RORA: variants seen among roughly 807,000 people sequenced by gnomAD.
The protein encoded by RORA is RAR related orphan receptor A, also known as nuclear receptor ROR-alpha.
A neutral mutation model predicts 69.5 loss-of-function variants in RORA; 7 were observed. The observed-to-expected ratio is 0.10, with a 90% CI of 0.06 to 0.19. The LOEUF (loss-of-function observed/expected upper bound fraction) is 0.19. Among genes scored for constraint, RORA ranks in the 10% least tolerant of loss-of-function variants. The pLI is 1.00. For synonymous variants in RORA, 261 were observed against 240.8 expected, an observed-to-expected ratio of 1.08 and a Z score of -0.78; for missense variants, 457 against 663.0, an observed-to-expected ratio of 0.69 and a Z score of 3.41.
chr15:60,880,633 C>CA (rs566194822), intron 1 of RORA, among the ~76,000 whole-genome samples: 301 of 150,504 alleles, frequency 2.0e-3, no homozygotes, highest in Middle Eastern at 6.8e-3. Flanking sequence ...GAAAGACTGT[C>CA]AAAAAAAAAC....
chr15:61,214,299 T>C (rs1298376028), intron 1 of RORA: 1 of 152,240 alleles, frequency 6.6e-6, no homozygotes, highest in Non-Finnish European at 1.5e-5. Context: ...TTGAGGTTTG[T>C]ATTAAAACTT....
At chr15:60,908,029 C>T (rs569897407) in intron 1 of RORA, among the ~76,000 whole-genome samples, 3 of 152,288 alleles carry the variant, frequency 2.0e-5, no homozygotes, top group African/African-American at 4.8e-5. Context: ...CTCCAATGCT[C>T]GGAACGTCCC....
chr15:60,521,260 T>TTG (rs397967498), intron 3 of RORA, among the ~76,000 whole-genome samples: 3 of 151,624 alleles, frequency 2.0e-5, no homozygotes, highest in Non-Finnish European at 2.9e-5. Flanking sequence ...TTTTTTTTTT[T>TTG]GAGACGGAGT....
intron 1 of RORA, among the ~76,000 whole-genome samples, chr15:60,939,770 A>G (rs1892634517): frequency 6.6e-6 from 1 of 152,164 alleles, no homozygotes; most frequent in Admixed American, 6.5e-5. Flanking sequence ...CTAGCCCTGT[A>G]CCCCTGCAAT....
chr15:61,082,675 T>A (rs1459403158), intron 1 of RORA, among the ~76,000 whole-genome samples: 1 of 152,166 alleles, frequency 6.6e-6, no homozygotes, highest in East Asian at 1.9e-4. Context: ...CAGTTCTTCA[T>A]TGGGACTGAA....
At chr15:60,971,564 C>T (rs904592431) in intron 1 of RORA, among the ~76,000 whole-genome samples, 2 of 152,196 alleles carry the variant, frequency 1.3e-5, no homozygotes, top group African/African-American at 2.4e-5. Flanking sequence ...TGATTCTTCT[C>T]CTCACTCCAT....
intron 1 of RORA, among the ~76,000 whole-genome samples, chr15:61,140,831 A>C (rs540895975): frequency 1.7e-4 from 26 of 152,264 alleles, no homozygotes; most frequent in African/African-American, 6.3e-4. Context: ...TATTTGGAGA[A>C]TATTTTTAGT....
intron 1 of RORA, among the ~76,000 whole-genome samples, chr15:61,096,000 G>GA (rs1377517888): frequency 6.6e-6 from 1 of 152,202 alleles, no homozygotes; most frequent in Non-Finnish European, 1.5e-5. Context: ...TTGGAATTAT[G>GA]AATCACAAGC....
At chr15:60,844,007 G>A (rs1457188328) in intron 1 of RORA, among the ~76,000 whole-genome samples, 1 of 148,474 alleles carries the variant, frequency 6.7e-6, no homozygotes, top group Admixed American at 6.6e-5. Flanking sequence ...TTTTTTTTTG[G>A]TTATTCTCTC....
intron 1 of RORA, among the ~76,000 whole-genome samples, chr15:60,826,529 C>T (rs540672197): frequency 4.6e-5 from 7 of 152,270 alleles, no homozygotes; most frequent in South Asian, 4.1e-4. Context: ...CAGTTCTAGG[C>T]GCTACACTTT....
intron 6 of RORA, 142 bp downstream of exon 6, chr15:60,505,366 G>C (rs1441713025): frequency 1.2e-6 from 1 of 849,806 alleles, no homozygotes; most frequent in Admixed American, 2.3e-5. Flanking sequence ...AAGTACATTA[G>C]TAGCTTCAGA....
At chr15:60,692,584 C>A (rs2070843424) in intron 1 of RORA, among the ~76,000 whole-genome samples, 1 of 152,136 alleles carries the variant, frequency 6.6e-6, no homozygotes, top group African/African-American at 2.4e-5. Context: ...GATATGATGT[C>A]TGGGATTTGC....
chr15:60,910,875 GT>G (rs35162656), intron 1 of RORA, among the ~76,000 whole-genome samples: 49,129 of 139,714 alleles, frequency 0.35, 8,725 homozygotes, highest in East Asian at 0.6. Flanking sequence ...GGCTCTGGCT[GT>G]TTTTTTTTTG....
intron 1 of RORA, among the ~76,000 whole-genome samples, chr15:61,140,105 T>C (rs1157435917): frequency 6.6e-6 from 1 of 152,202 alleles, no homozygotes; most frequent in Non-Finnish European, 1.5e-5. Context: ...AACTTATTTT[T>C]CGAGAGAGAA....
At chr15:61,208,805 T>C (rs1213912829) in intron 1 of RORA, among the ~76,000 whole-genome samples, 1 of 152,142 alleles carries the variant, frequency 6.6e-6, no homozygotes, top group Non-Finnish European at 1.5e-5. Flanking sequence ...TTCTTCACAA[T>C]TTGTCTTCAT....
At chr15:60,515,547 T>C (rs913466570) in intron 3 of RORA, among the ~76,000 whole-genome samples, 1 of 152,176 alleles carries the variant, frequency 6.6e-6, no homozygotes, top group Non-Finnish European at 1.5e-5. Flanking sequence ...TGAGCTGTAT[T>C]CTTAGCTGAT....
Position 60,531,857 on chromosome 15 carries a change from A to G in RORA, c.197-6T>C, listed in dbSNP as rs1455086728. On this transcript the variant is annotated splice_polypyrimidine_tract_variant and splice_region_variant and intron_variant, in intron 2 of 10. Transcript: ENST00000335670. This position sits in a 1 kb window ranked among gnomAD's most constrained non-coding sequence, Gnocchi z 4.8. ...TGGAATAATTTCAATTTGAGCTGCA[A>G]CAGAAGCACGCAACCAGTTAATTAC... The G allele has an allele frequency of 6.4e-7, 1 of 1,570,606 alleles. No homozygotes were observed. The highest frequency in any genetic ancestry group is 1.4e-5 in the African/African-American group (1 of 72,810).
intron 1 of RORA, among the ~76,000 whole-genome samples, chr15:61,081,176 T>A (rs533303562): frequency 1.3e-5 from 2 of 152,214 alleles, no homozygotes; most frequent in African/African-American, 2.4e-5. Flanking sequence ...TTTATCCCCA[T>A]GAGATGTTTT....
At chr15:61,148,171 T>C in intron 1 of RORA, among the ~76,000 whole-genome samples, 1 of 152,122 alleles carries the variant, frequency 6.6e-6, no homozygotes, top group East Asian at 1.9e-4. Flanking sequence ...GAGGAGCCAC[T>C]GAAGTTTTGA....
Sources: gnomAD v4.1 joint callset for allele counts (sites outside exome capture counted in the v4.1 genomes callset) on GRCh38, gnomAD v4.1.1 for gene constraint, Gnocchi (gnomAD v3.1) non-coding constraint, MANE v1.5 for transcripts, NCBI Gene and HGNC (gene_info 2026-07-23, HGNC 2026-07-21) for gene names.